ZNF724: variants seen among roughly 807,000 people sequenced by gnomAD.
ZNF724 encodes zinc finger protein 724 pseudogene.
Under a neutral mutation model 29.3 loss-of-function variants are expected in ZNF724, and 14 were observed. The ratio of observed to expected loss-of-function variants is 0.48; its 90% CI spans 0.32 to 0.75. The LOEUF (loss-of-function observed/expected upper bound fraction) is 0.75. Among genes scored for constraint, ZNF724 ranks in the 30% least tolerant of loss-of-function variants. The probability of loss-of-function intolerance (pLI) is 0.04; values close to 1 mark genes in which losing one functional copy is unlikely to be tolerated. For synonymous variants in ZNF724, 180 were observed against 193.6 expected (o/e 0.93, Z 0.58); for missense variants, 557 against 571.2 (o/e 0.98, Z 0.25).
rs1307436480 is a variant in ZNF724 at position 23,231,331 on chromosome 19, G to A, written c.161C>T (p.Thr54Ile). The A allele has an allele frequency of 7.2e-7, 1 of 1,387,122 alleles. No homozygotes were observed. The highest frequency in any genetic ancestry group is 1.0e-6 in the Non-Finnish European group (1 of 975,918). The allele number at this position is 1,387,122 out of a possible 1,614,324, so 85.9% of individuals were successfully genotyped here. A position where few individuals can be genotyped will look rare whatever the true frequency, so the allele number is the denominator to read the frequency against. Residue 54 changes from threonine (T) to isoleucine (I), a missense_variant, in exon 3 of 4, where the codon ACC becomes ATC. Transcript: ENST00000418100. Reference sequence around the variant, plus strand: ...GGGCTCTTTGCCTTGCTCCAGACAGGTGATCAGGTCTGGCTTAGAGACAGC... The same window carrying A: ...GGGCTCTTTGCCTTGCTCCAGACAGATGATCAGGTCTGGCTTAGAGACAGC... ...GIAVSKPDLI[T>I]CLEQGKEPWN...
rs762695766 is a variant in ZNF724, at chr19:23,222,572, C to G, written c.1673G>C (p.Gly558Ala). Reference protein sequence around the residue: ...NLTQHKIIHTGEKPYKCEECG... With the variant: ...NLTQHKIIHTAEKPYKCEECG... ...TTCTTCACATTTGTAGGGTTTCTCT[C>G]CAGTATGAATTATCTTATGTTGAGT... Residue 558 changes from glycine (G) to alanine (A), a missense_variant, in exon 4 of 4, where the codon GGA becomes GCA. Physicochemically the swap from Gly to Ala is moderately conservative, Grantham distance 60. This residue lies in a region of ZNF724 where 170 missense variants were observed against 220.7 expected (regional missense o/e 0.77). Transcript: ENST00000418100. The G allele has an allele frequency of 7.2e-7, 1 of 1,384,784 alleles. No individual in the cohort carries two copies. Among genetic ancestry groups the G allele is most frequent in the Non-Finnish European group, 1.0e-6 (1 of 973,276 alleles). 85.8% of individuals were successfully genotyped at this position (1,384,784 alleles called of 1,614,324 possible).
At chr19:23,238,849 G>A (rs539045895) in intron 1 of ZNF724, among the ~76,000 whole-genome samples, 2 of 152,280 alleles carry the variant, frequency 1.3e-5, no homozygotes, top group African/African-American at 4.8e-5. Flanking sequence ...AGAGGTTGCA[G>A]TGAGCTGAGA....
At chr19:23,238,848 A>AG (rs1434090049) in intron 1 of ZNF724, among the ~76,000 whole-genome samples, 4 of 152,216 alleles carry the variant, frequency 2.6e-5, no homozygotes, top group Admixed American at 1.3e-4. Flanking sequence ...CAGAGGTTGC[A>AG]GTGAGCTGAG....
chr19:23,248,475 A>G (rs1014075585), intron 1 of ZNF724, among the ~76,000 whole-genome samples: 8 of 152,116 alleles, frequency 5.3e-5, no homozygotes, highest in African/African-American at 1.9e-4. Context: ...TGCGGGGAAA[A>G]TCAGTCCTCT....
chr19:23,249,602 T>C (rs1455838467), intron 1 of ZNF724, among the ~76,000 whole-genome samples: 3 of 152,164 alleles, frequency 2.0e-5, no homozygotes, highest in East Asian at 3.9e-4. Context: ...GGTTTCACCA[T>C]GTTGGTCAGG....
chr19:23,247,588 A>G (rs1451422205), intron 1 of ZNF724, among the ~76,000 whole-genome samples: 1 of 152,152 alleles, frequency 6.6e-6, no homozygotes, highest in African/African-American at 2.4e-5. Context: ...GAGACACTGC[A>G]TTACGCCCCA....
At chr19:23,225,366 A>C (rs1971808716) in intron 3 of ZNF724, among the ~76,000 whole-genome samples, 1 of 152,092 alleles carries the variant, frequency 6.6e-6, no homozygotes, top group South Asian at 2.1e-4. Context: ...GCACTTTGGG[A>C]GGCAGAAGCG....
chr19:23,228,678 T>A (rs1208976005), intron 3 of ZNF724, among the ~76,000 whole-genome samples: 1 of 151,890 alleles, frequency 6.6e-6, no homozygotes, highest in Non-Finnish European at 1.5e-5. Flanking sequence ...GGCGGGAGGA[T>A]CACCTGAGGT....
intron 3 of ZNF724, 73 bp from the exon 4 acceptor site, chr19:23,224,091 C>T (rs1196588907): frequency 3.4e-6 from 2 of 585,260 alleles, no homozygotes; most frequent in Admixed American, 3.2e-5. Flanking sequence ...ATCTAACCTA[C>T]AAAACTATAC....
intron 1 of ZNF724, among the ~76,000 whole-genome samples, chr19:23,240,927 A>G (rs1972112710): frequency 6.6e-6 from 1 of 151,934 alleles, no homozygotes; most frequent in Admixed American, 6.6e-5. Context: ...CAGCTACTTG[A>G]AAGGCTGAGG....
At chr19:23,245,154 AT>A (rs1972214013) in intron 1 of ZNF724, among the ~76,000 whole-genome samples, 1 of 152,192 alleles carries the variant, frequency 6.6e-6, no homozygotes, top group Non-Finnish European at 1.5e-5. Flanking sequence ...GATTCTGCCC[AT>A]TTTCTTCTTA....
intron 1 of ZNF724, among the ~76,000 whole-genome samples, chr19:23,236,029 G>A (rs1972016894): frequency 6.6e-6 from 1 of 152,114 alleles, no homozygotes; most frequent in African/African-American, 2.4e-5. Flanking sequence ...TAATGGGGGA[G>A]GTGATCCATG....
chr19:23,242,460 AATCCCAGCACTTT>A (rs1350929116), intron 1 of ZNF724: 1 of 152,146 alleles, frequency 6.6e-6, no homozygotes, highest in Non-Finnish European at 1.5e-5. Flanking sequence ...GGTGGCGTGT[AATCCCAGCACTTT>A]GGGAGGCTGA....
intron 3 of ZNF724, among the ~76,000 whole-genome samples, chr19:23,226,161 C>T (rs888012133): frequency 6.6e-6 from 1 of 151,048 alleles, no homozygotes; most frequent in African/African-American, 2.4e-5. Flanking sequence ...ACGCCATTCT[C>T]CTGCCTCAGC....
chr19:23,222,831 G>C lies in ZNF724; in HGVS notation c.1414C>G (p.His472Asp), dbSNP rs1225492393. The change falls in exon 4 of 4, where the codon CAT becomes GAT. Residue 472 changes from histidine to aspartate, a missense_variant. Transcript: ENST00000418100. ...CATTTGTAGGGTTTCTCTCCAGTAT[G>C]AATTATCCTATGTTCAGTAAGGTTT... ...SSNLTEHRII[H>D]TGEKPYKCEE... The C allele has an allele frequency of 1.4e-6, 2 of 1,421,242 alleles. No homozygotes were observed. Among genetic ancestry groups the C allele is most frequent in the East Asian group, 2.3e-5 (1 of 42,990 alleles). The allele number at this position is 1,421,242 out of a possible 1,614,324, so 88.0% of individuals were successfully genotyped here. A position where few individuals can be genotyped will look rare whatever the true frequency, so the allele number is the denominator to read the frequency against.
intron 1 of ZNF724, among the ~76,000 whole-genome samples, chr19:23,248,938 ATC>A (rs1568347779): frequency 6.6e-6 from 1 of 152,018 alleles, no homozygotes; most frequent in Admixed American, 6.6e-5. Context: ...GAGGTTGCAG[ATC>A]GTGCCACTGC....
rs8110795 is a variant in ZNF724 at position 23,223,999 on chromosome 19, G to T, written c.246C>A (p.Ala82=). Residue 82 remains alanine, a synonymous_variant, in exon 4 of 4, where the codon GCC becomes GCA. Coordinates refer to ENST00000418100, the MANE Select transcript of ZNF724 (RefSeq NM_001355404.2). ...TGCTCTGCTCTGGCCGAAGGTCTTG[G>T]GCAAAATAACAACACATACCTGAAA... The part of the protein sequence containing the change: ...AKPPGMCCYF[A]QDLRPEQSIK... 33 of 665,256 alleles carry T rather than the reference G, an allele frequency of 5.0e-5. No homozygotes were observed. The highest frequency in any genetic ancestry group is 4.0e-4 in the South Asian group (23 of 57,128). The allele number at this position is 665,256 out of a possible 1,614,324, so 41.2% of individuals were successfully genotyped here.
At chr19:23,243,004 A>G (rs1972158668) in intron 1 of ZNF724, among the ~76,000 whole-genome samples, 1 of 142,928 alleles carries the variant, frequency 7.0e-6, no homozygotes. Flanking sequence ...GTGCCATTGC[A>G]CTCCAGCCTG....
At chr19:23,233,629 A>G (rs1401552793) in intron 1 of ZNF724, among the ~76,000 whole-genome samples, 1 of 152,146 alleles carries the variant, frequency 6.6e-6, no homozygotes, top group Non-Finnish European at 1.5e-5. Flanking sequence ...TCTGGTATAT[A>G]GGAAAGAAAT....
Sources: gnomAD v4.1 joint callset for allele counts (sites outside exome capture counted in the v4.1 genomes callset) on GRCh38, gnomAD v4.1.1 for gene constraint, gnomAD v4.1.1 regional missense constraint, MANE v1.5 for transcripts, NCBI Gene and HGNC (gene_info 2026-07-23, HGNC 2026-07-21) for gene names.